The following SMAD3 variants were observed in gnomAD, a reference collection of about 807,000 sequenced individuals.
SMAD3 encodes MAD homolog 3.
A neutral mutation model predicts 51.8 loss-of-function variants in SMAD3; 12 were observed. The observed-to-expected ratio is 0.23, with a 90% CI of 0.15 to 0.38. The LOEUF (loss-of-function observed/expected upper bound fraction) is 0.38, where lower values mean the gene tolerates loss of function less well. Ranked by LOEUF, SMAD3 falls within the 10% of genes least tolerant of loss-of-function variation. The probability of loss-of-function intolerance (pLI) is 1.00; values close to 1 mark genes in which losing one functional copy is unlikely to be tolerated. For missense variants in SMAD3, 294 were observed against 565.6 expected (o/e 0.52, Z 4.87); for synonymous variants, 238 against 227.7 (o/e 1.05, Z -0.41).
intron 1 of SMAD3, chr15:67,098,872 G>A (rs1222632415): frequency 2.8e-6 from 2 of 701,792 alleles, no homozygotes; most frequent in Admixed American, 2.0e-5. Context: ...GGGCATACAT[G>A]GATGGGAGGG....
At position 67,181,146 on chromosome 15, in the gene SMAD3, G is replaced by A. The variant is rs546689586; in HGVS notation, c.659-95G>A. The A allele has an allele frequency of 5.3e-5, 49 of 922,148 alleles. No homozygotes were observed. In the East Asian group the frequency reaches 8.0e-4, roughly 15 times the overall value. The allele number at this position is 922,148 out of a possible 1,614,324, so 57.1% of individuals were successfully genotyped here. ...GGAGATTATAATCCCTCTGAAATGC[G>A]GGGAAATGGTTTTCCAGAGTGTCCA... On this transcript the variant is annotated intron_variant, in intron 5 of 8. Coordinates refer to ENST00000327367, the MANE Select transcript of SMAD3 (RefSeq NM_005902.4).
At chr15:67,138,157 C>T (rs1313594920) in intron 1 of SMAD3, 17 of 1,332,550 alleles carry the variant, frequency 1.3e-5, no homozygotes, top group African/African-American at 5.8e-5. Context: ...TCTCCCCACC[C>T]GTCCACAGGG....
At chr15:67,144,047 A>G (rs990036564) in intron 1 of SMAD3, among the ~76,000 whole-genome samples, 4 of 151,566 alleles carry the variant, frequency 2.6e-5, no homozygotes, top group Non-Finnish European at 5.9e-5. Flanking sequence ...CAATTTGATG[A>G]GTTTGATATT....
At chr15:67,066,971 C>G (rs1339471546) in intron 1 of SMAD3, among the ~76,000 whole-genome samples, 1 of 152,166 alleles carries the variant, frequency 6.6e-6, no homozygotes, top group African/African-American at 2.4e-5. Context: ...AGTCTCCCGC[C>G]CCCTGAGCAT....
intron 5 of SMAD3, among the ~76,000 whole-genome samples, chr15:67,179,051 C>T (rs549785629): frequency 1.3e-5 from 2 of 152,278 alleles, no homozygotes; most frequent in South Asian, 2.1e-4. Flanking sequence ...GTGTTTGATG[C>T]GCGCCCTGCA....
chr15:67,066,269 G>A lies in SMAD3; in HGVS notation c.115G>A (p.Val39Ile). ...GTGCGAGAAGGCGGTCAAGAGCCTG[G>A]TCAAGAAACTCAAGAAGACGGGGCA... Reference protein sequence around the residue: ...KWCEKAVKSLVKKLKKTGQLD... With the variant: ...KWCEKAVKSLIKKLKKTGQLD... Residue 39 changes from valine (V) to isoleucine (I), a missense_variant, in exon 1 of 9, where the codon GTC (valine) becomes ATC (isoleucine). By Grantham distance (29) the Val-to-Ile change is conservative. This residue lies in a region of SMAD3 where 147 missense variants were observed against 260.9 expected (regional missense o/e 0.56). Transcript: ENST00000327367. 4 of 1,613,842 alleles carry A rather than the reference G, an allele frequency of 2.5e-6. No homozygotes were observed. Among genetic ancestry groups the A allele is most frequent in the Non-Finnish European group, 3.4e-6 (4 of 1,179,912 alleles).
chr15:67,183,847 T>G (rs1963148686), intron 6 of SMAD3, among the ~76,000 whole-genome samples: 2 of 152,142 alleles, frequency 1.3e-5, no homozygotes, highest in African/African-American at 4.8e-5. Flanking sequence ...CTGGAATGTT[T>G]TAGAAAAATG....
At chr15:67,146,886 T>C (rs1566984187) in intron 1 of SMAD3, 1 of 152,174 alleles carries the variant, frequency 6.6e-6, no homozygotes, top group Non-Finnish European at 1.5e-5. Flanking sequence ...GGGAGCTAGA[T>C]GGGGCCTGAC....
chr15:67,093,894 C>T (rs983646126), intron 1 of SMAD3, among the ~76,000 whole-genome samples: 10 of 152,308 alleles, frequency 6.6e-5, no homozygotes, highest in East Asian at 1.9e-4. Flanking sequence ...GTGGTGCGGA[C>T]GTCTTTGTTG....
Position 67,073,440 on chromosome 15 carries a change from C to T in SMAD3, c.206+7080C>T, listed in dbSNP as rs115325709. On this transcript the variant is annotated intron_variant, in intron 1 of 8. Coordinates refer to ENST00000327367, the MANE Select transcript of SMAD3 (RefSeq NM_005902.4). ...AGTTTGTTTAGCAGGCCTTTTTGCCCCATAAATGCTGTCAAAGAAAAATTA... is the reference window on the plus strand; with the variant it reads ...AGTTTGTTTAGCAGGCCTTTTTGCCTCATAAATGCTGTCAAAGAAAAATTA... Among the ~76,000 whole-genome samples, 204 of 152,218 alleles carry T rather than the reference C, an allele frequency of 1.3e-3. 2 individuals carry two copies. Among genetic ancestry groups the T allele is most frequent in the African/African-American group, 4.7e-3 (196 of 41,526 alleles).
chr15:67,123,356 AGGTGTGGT>A (rs1961312136), intron 1 of SMAD3, among the ~76,000 whole-genome samples: 1 of 151,520 alleles, frequency 6.6e-6, no homozygotes, highest in Non-Finnish European at 1.5e-5. Context: ...AAAATTAGTC[AGGTGTGGT>A]GGCACACGCC....
chr15:67,124,812 C>A (rs1279673968), intron 1 of SMAD3, among the ~76,000 whole-genome samples: 5 of 152,214 alleles, frequency 3.3e-5, no homozygotes, highest in African/African-American at 1.2e-4. Context: ...TGGCACAGGG[C>A]AGCCGGGGAG....
intron 1 of SMAD3, among the ~76,000 whole-genome samples, chr15:67,096,754 G>T (rs1960622865): frequency 6.6e-6 from 1 of 152,096 alleles, no homozygotes; most frequent in African/African-American, 2.4e-5. Flanking sequence ...TCTCAGGCTG[G>T]TCTTGCACGT....
intron 1 of SMAD3, among the ~76,000 whole-genome samples, chr15:67,110,068 C>G (rs1960978234): frequency 6.6e-6 from 1 of 152,250 alleles, no homozygotes; most frequent in Non-Finnish European, 1.5e-5. Context: ...CTGAAACCAG[C>G]AGGTTTCCTT....
intron 1 of SMAD3, among the ~76,000 whole-genome samples, chr15:67,148,854 T>C (rs141154414): frequency 6.6e-6 from 1 of 152,348 alleles, no homozygotes; most frequent in Non-Finnish European, 1.5e-5. Context: ...CCATTACTAT[T>C]TTCTGAGCAA....
intron 1 of SMAD3, among the ~76,000 whole-genome samples, chr15:67,136,813 TC>T (rs1165145404): frequency 6.6e-6 from 1 of 152,084 alleles, no homozygotes; most frequent in Non-Finnish European, 1.5e-5. Context: ...TTTCTCCCCA[TC>T]CCCCCAAGGG....
intron 1 of SMAD3, among the ~76,000 whole-genome samples, chr15:67,111,395 A>G (rs895258186): frequency 6.6e-6 from 1 of 152,168 alleles, no homozygotes; most frequent in Non-Finnish European, 1.5e-5. Flanking sequence ...TCTTCAGTTG[A>G]TAGACATTTG....
At chr15:67,069,095 C>T (rs957185209) in intron 1 of SMAD3, among the ~76,000 whole-genome samples, 2 of 152,142 alleles carry the variant, frequency 1.3e-5, no homozygotes, top group Admixed American at 1.3e-4. Context: ...TGAGCAGCAA[C>T]AGCAACATTT....
intron 1 of SMAD3, among the ~76,000 whole-genome samples, chr15:67,114,146 G>A (rs536864474): frequency 1.3e-5 from 2 of 152,294 alleles, no homozygotes; most frequent in South Asian, 2.1e-4. Context: ...CGTCACTTTG[G>A]AGTGAAGGTA....
Sources: allele counts gnomAD v4.1 joint callset (sites outside exome capture counted in the v4.1 genomes callset), GRCh38; gene constraint gnomAD v4.1.1; regional missense constraint gnomAD v4.1.1; transcripts MANE v1.5; gene names NCBI Gene and HGNC (gene_info 2026-07-23, HGNC 2026-07-21).